Variants in PITPNA observed in about 807,000 individuals in gnomAD.
PITPNA encodes phosphatidylinositol transfer protein alpha, also known as phosphatidylinositol transfer protein alpha isoform.
Under a neutral mutation model 50.3 loss-of-function variants are expected in PITPNA, and 13 were observed. The ratio of observed to expected loss-of-function variants is 0.26; its 90% CI spans 0.17 to 0.41. PITPNA has a LOEUF of 0.41. Ranked by LOEUF, PITPNA falls within the 10% of genes least tolerant of loss-of-function variation. The pLI, the probability that PITPNA is intolerant of heterozygous loss-of-function variation, is 1.00. For missense variants in PITPNA, 207 were observed against 333.4 expected, an observed-to-expected ratio of 0.62 and a Z score of 2.95; for synonymous variants, 120 against 119.6, an observed-to-expected ratio of 1.00 and a Z score of -0.02.
At chr17:1,522,688 T>A (rs58796116) in intron 10 of PITPNA, among the ~76,000 whole-genome samples, 6,745 of 152,292 alleles carry the variant, frequency 0.044, 517 homozygotes, top group African/African-American at 0.15. Context: ...GAGGCATCTC[T>A]TTAGTGCTAG....
intron 9 of PITPNA, 48 bp downstream of exon 9, chr17:1,535,133 CA>C: frequency 8.5e-7 from 1 of 1,178,944 alleles, no homozygotes; most frequent in Non-Finnish European, 1.3e-6. Flanking sequence ...ACCACCCCCC[CA>C]CAACACACAC....
In PITPNA at chr17:1,562,532, G is replaced by A. The variant is rs933727708; in HGVS notation, c.20+9C>T. The A allele has an allele frequency of 4.9e-6, 7 of 1,435,766 alleles. No individual in the cohort carries two copies. In the East Asian group the frequency reaches 1.8e-4, roughly 37 times the overall value. The allele number at this position is 1,435,766 out of a possible 1,614,324, so 88.9% of individuals were successfully genotyped here. On this transcript the variant is annotated intron_variant, in intron 1 of 11. Transcript: ENST00000313486. This position sits in a 1 kb window ranked among gnomAD's most constrained non-coding sequence, Gnocchi z 6.4. Reference sequence around the variant, plus strand: ...CCTCCCCGCTTCCGCACGGCCGCCGGACACTCACTACTCCTTGAGCAGCAC... The same window carrying A: ...CCTCCCCGCTTCCGCACGGCCGCCGAACACTCACTACTCCTTGAGCAGCAC...
intron 2 of PITPNA, among the ~76,000 whole-genome samples, chr17:1,557,831 A>C (rs3785963): frequency 0.35 from 52,469 of 152,052 alleles, 9,367 homozygotes; most frequent in East Asian, 0.55. Flanking sequence ...GGAGAGCCTC[A>C]AGAGATTTCC....
chr17:1,539,923 A>T (rs1170955793), intron 6 of PITPNA, among the ~76,000 whole-genome samples: 1 of 152,154 alleles, frequency 6.6e-6, no homozygotes, highest in Admixed American at 6.6e-5. Context: ...TTTTAGTAGA[A>T]ACAGGGTTTC....
chr17:1,518,573 A>C lies in PITPNA; in HGVS notation c.*1988T>G, dbSNP rs2075487690. 6.5e-6 allele frequency: 1 copy of C among 152,692 alleles called. No homozygotes were observed. Among genetic ancestry groups the C allele is most frequent in the African/African-American group, 2.4e-5 (1 of 41,436 alleles). 9.5% of individuals were successfully genotyped at this position (152,692 alleles called of 1,614,324 possible). On this transcript the variant is annotated 3_prime_UTR_variant, in exon 12 of 12. Coordinates refer to ENST00000313486, the MANE Select transcript of PITPNA (RefSeq NM_006224.4). ...CTCAGCTCATAATGGATGCTTTTCA[A>C]CTGGGGCAACAGGTGGAGGTGGGAG...
rs558704171 is a variant in PITPNA at position 1,550,961 on chromosome 17, T to C, written c.197+2043A>G. ...GGACATGTTGGAGACGCTGAGGAGA[T>C]GGAGTCAGCAGGACCTGATGGGACA... On this transcript the variant is annotated intron_variant, in intron 3 of 11. Transcript: ENST00000313486. 1.5e-4 allele frequency among the ~76,000 whole-genome samples: 22 copies of C among 151,570 alleles called. No individual in the cohort carries two copies. The South Asian group carries it at 2.9e-3, about 20-fold the overall frequency.
chr17:1,521,174 G>T (rs1026765905), intron 11 of PITPNA, among the ~76,000 whole-genome samples: 1 of 152,174 alleles, frequency 6.6e-6, no homozygotes, highest in African/African-American at 2.4e-5. Flanking sequence ...AACAAAAGCT[G>T]TCTGGCCAGC....
chr17:1,562,170 G>A lies in PITPNA; in HGVS notation c.20+371C>T, dbSNP rs924645298. 3.9e-5 allele frequency among the ~76,000 whole-genome samples: 6 copies of A among 152,104 alleles called. No individual in the cohort carries two copies. Among genetic ancestry groups the A allele is most frequent in the African/African-American group, 1.4e-4 (6 of 41,424 alleles). On this transcript the variant is annotated intron_variant, in intron 1 of 11. Transcript: ENST00000313486. This position sits in a 1 kb window ranked among gnomAD's most constrained non-coding sequence, Gnocchi z 6.4. Reference sequence around the variant, plus strand: ...CCCCGGCCTCTCCTCGGGTCCACTTGGGCCTCCGAGGCCCCCGGGGCGCCT... The same window carrying A: ...CCCCGGCCTCTCCTCGGGTCCACTTAGGCCTCCGAGGCCCCCGGGGCGCCT...
At chr17:1,521,517 G>A in intron 11 of PITPNA, 62 bp downstream of exon 11, 2 of 1,130,792 alleles carry the variant, frequency 1.8e-6, no homozygotes, top group Non-Finnish European at 2.7e-6. Context: ...AGCTGCTGAG[G>A]CCTTGAAACC....
intron 3 of PITPNA, among the ~76,000 whole-genome samples, chr17:1,550,856 T>C (rs2075704411): frequency 6.6e-6 from 1 of 152,194 alleles, no homozygotes; most frequent in African/African-American, 2.4e-5. Context: ...ACTGAACACT[T>C]GAAGCGGTGC....
At chr17:1,536,440 A>G (rs1429355144) in intron 7 of PITPNA, among the ~76,000 whole-genome samples, 1 of 151,192 alleles carries the variant, frequency 6.6e-6, no homozygotes, top group Non-Finnish European at 1.5e-5. Flanking sequence ...GGTGCCCGCC[A>G]CCATGCCCGG....
rs1450065417 is a variant in PITPNA at position 1,519,951 on chromosome 17, GCTGA to G, written c.*606_*609del. 2 of 152,192 alleles carry G rather than the reference GCTGA, an allele frequency of 1.3e-5. No individual in the cohort carries two copies. Among genetic ancestry groups the G allele is most frequent in the African/African-American group, 4.8e-5 (2 of 41,432 alleles). The allele number at this position is 152,192 out of a possible 1,614,324, so 9.4% of individuals were successfully genotyped here. ...GTTAAATTTTCTTAAATAGAGACTG[GCTGA>G]GCCTTGGGTACCTCCATAGTGCTAG... On this transcript the variant is annotated 3_prime_UTR_variant, in exon 12 of 12. Transcript: ENST00000313486.
At chr17:1,540,761 A>G (rs1472475408) in intron 6 of PITPNA, among the ~76,000 whole-genome samples, 2 of 151,820 alleles carry the variant, frequency 1.3e-5, no homozygotes, top group African/African-American at 4.8e-5. Flanking sequence ...GCTGTTTTGT[A>G]TTTTTAGTAG....
At chr17:1,548,226 A>C in intron 4 of PITPNA, 70 bp downstream of exon 4, 1 of 996,680 alleles carries the variant, frequency 1.0e-6, no homozygotes, top group Non-Finnish European at 1.5e-6. Flanking sequence ...CCTAATCCGG[A>C]ACACGCAGGT....
chr17:1,523,505 C>CTTTTTT (rs11401118), intron 10 of PITPNA, among the ~76,000 whole-genome samples: 2 of 117,394 alleles, frequency 1.7e-5, no homozygotes, highest in African/African-American at 3.2e-5. Flanking sequence ...CCACGCCTGG[C>CTTTTTT]TTTTTTTTTT....
At chr17:1,543,622 C>A (rs2075659097) in intron 4 of PITPNA, among the ~76,000 whole-genome samples, 1 of 152,160 alleles carries the variant, frequency 6.6e-6, no homozygotes, top group African/African-American at 2.4e-5. Context: ...TCATTCTGTA[C>A]CCTCTGAATT....
intron 10 of PITPNA, among the ~76,000 whole-genome samples, chr17:1,532,062 CA>C (rs2075586119): frequency 6.6e-6 from 1 of 152,102 alleles, no homozygotes; most frequent in Non-Finnish European, 1.5e-5. Flanking sequence ...CATGATTCTC[CA>C]TGGAATGGAG....
chr17:1,550,112 G>C (rs1297947739), intron 3 of PITPNA, among the ~76,000 whole-genome samples: 1 of 152,244 alleles, frequency 6.6e-6, no homozygotes, highest in Non-Finnish European at 1.5e-5. Context: ...CGGCCTCTGT[G>C]ATTCACGAAC....
chr17:1,520,694 A>G (rs1230494897), intron 11 of PITPNA, among the ~76,000 whole-genome samples, 156 bp from the exon 12 acceptor site: 1 of 152,184 alleles, frequency 6.6e-6, no homozygotes, highest in East Asian at 1.9e-4. Context: ...GTGACTGAGA[A>G]GCTGGCATCA....
Sources: gnomAD v4.1 joint callset for allele counts (sites outside exome capture counted in the v4.1 genomes callset) on GRCh38, gnomAD v4.1.1 for gene constraint, Gnocchi (gnomAD v3.1) non-coding constraint, MANE v1.5 for transcripts, NCBI Gene and HGNC (gene_info 2026-07-23, HGNC 2026-07-21) for gene names.